NSMCE2: variants seen among roughly 807,000 people sequenced by gnomAD.
The protein encoded by NSMCE2 is NSE2 SUMO ligase component of SMC5/6 complex.
In NSMCE2, 24 loss-of-function variants were observed where a neutral mutation model predicts 23.8. The ratio of observed to expected loss-of-function variants is 1.01; its 90% CI spans 0.73 to 1.42. The LOEUF (loss-of-function observed/expected upper bound fraction) is 1.42. Among genes scored for constraint, NSMCE2 ranks in the 40% most tolerant of loss-of-function variants. The pLI is 0.00. For missense variants in NSMCE2, 284 were observed against 296.5 expected (o/e 0.96, Z 0.31); for synonymous variants, 92 against 94.1 (o/e 0.98, Z 0.13).
intron 3 of NSMCE2, among the ~76,000 whole-genome samples, chr8:125,126,572 T>G (rs934642329): frequency 6.6e-6 from 1 of 152,150 alleles, no homozygotes; most frequent in Non-Finnish European, 1.5e-5. Flanking sequence ...AGTACCTTAC[T>G]TGATGCACGA....
chr8:125,161,997 C>T (rs558811966), intron 4 of NSMCE2, among the ~76,000 whole-genome samples: 10 of 152,208 alleles, frequency 6.6e-5, no homozygotes, highest in African/African-American at 2.2e-4. Context: ...CGAAGCAAGT[C>T]CTCTCTACCC....
At chr8:125,339,433 G>A (rs1248321406) in intron 5 of NSMCE2, among the ~76,000 whole-genome samples, 1 of 152,094 alleles carries the variant, frequency 6.6e-6, no homozygotes, top group Non-Finnish European at 1.5e-5. Flanking sequence ...AGTGGTGAGC[G>A]GGTGGTTGGA....
At position 125,118,380 on chromosome 8, in the gene NSMCE2, AAAAC is replaced by A. The variant is rs935083457; in HGVS notation, c.157+15907_157+15910del. 6.0e-5 allele frequency among the ~76,000 whole-genome samples: 9 copies of A among 150,736 alleles called. No homozygotes were observed. The East Asian group carries it at 1.5e-3, about 26-fold the overall frequency. On this transcript the variant is annotated intron_variant, in intron 3 of 7. Coordinates refer to ENST00000287437, the MANE Select transcript of NSMCE2 (RefSeq NM_173685.4). ...TGGGTGACAGAGTGAGACTGTCTTA[AAAAC>A]AAACAAACAAACACACACACACAGA...
In NSMCE2 at chr8:125,182,248, A is replaced by G. The variant is rs539746599; in HGVS notation, c.410A>G (p.Lys137Arg). 6.2e-7 allele frequency: 1 copy of G among 1,601,930 alleles called. No homozygotes were observed. The highest frequency in any genetic ancestry group is 1.3e-5 in the African/African-American group (1 of 74,178). The change falls in exon 5 of 8, where the codon AAG (lysine) becomes AGG (arginine). Residue 137 changes from lysine (K) to arginine (R), a missense_variant. This residue lies in a region of NSMCE2 where 102 missense variants were observed against 141.0 expected (regional missense o/e 0.72). Transcript: ENST00000287437. ...VQFKQQLKEL[K>R]KQCGLQADRE... is the part of the protein sequence containing the mutation. ...TTTAAACAACAGCTGAAAGAACTAA[A>G]GAAGCAATGTAAGTCAACATGCTTT...
chr8:125,287,830 A>G (rs1446768441), intron 5 of NSMCE2, among the ~76,000 whole-genome samples: 1 of 152,164 alleles, frequency 6.6e-6, no homozygotes, highest in Non-Finnish European at 1.5e-5. Flanking sequence ...GAATATCTCC[A>G]GTGACCTGCA....
At chr8:125,343,950 G>A (rs1166779748) in intron 5 of NSMCE2, among the ~76,000 whole-genome samples, 2 of 152,214 alleles carry the variant, frequency 1.3e-5, no homozygotes, top group Non-Finnish European at 2.9e-5. Context: ...AGCTTGCAGT[G>A]AGCCGAGATC....
chr8:125,253,426 T>G (rs1241107618), intron 5 of NSMCE2, among the ~76,000 whole-genome samples: 1 of 152,204 alleles, frequency 6.6e-6, no homozygotes, highest in Non-Finnish European at 1.5e-5. Flanking sequence ...GGATGGGTGT[T>G]TGGGGAATTC....
intron 5 of NSMCE2, among the ~76,000 whole-genome samples, chr8:125,340,012 G>GTTTTTTTTTT (rs752038710): frequency 1.5e-3 from 150 of 102,798 alleles, no homozygotes; most frequent in East Asian, 3.0e-3. Flanking sequence ...GTTTTTTTTT[G>GTTTTTTTTTT]TTTTTTTTTT....
chr8:125,196,682 G>A (rs1399088887), intron 5 of NSMCE2, among the ~76,000 whole-genome samples: 3 of 152,096 alleles, frequency 2.0e-5, no homozygotes, highest in East Asian at 1.9e-4. Flanking sequence ...GTGTCTTTAC[G>A]GTAGCATGAT....
At chr8:125,275,394 A>G (rs1345624334) in intron 5 of NSMCE2, among the ~76,000 whole-genome samples, 1 of 152,210 alleles carries the variant, frequency 6.6e-6, no homozygotes, top group African/African-American at 2.4e-5. Flanking sequence ...CGAGTGGGCT[A>G]TGAACTCCAC....
chr8:125,222,418 TTAA>T (rs1824904814), intron 5 of NSMCE2, among the ~76,000 whole-genome samples: 1 of 152,228 alleles, frequency 6.6e-6, no homozygotes, highest in Non-Finnish European at 1.5e-5. Flanking sequence ...AAATACATTA[TTAA>T]TAATGTGATT....
At chr8:125,287,314 A>G (rs1235482310) in intron 5 of NSMCE2, among the ~76,000 whole-genome samples, 1 of 152,210 alleles carries the variant, frequency 6.6e-6, no homozygotes, top group African/African-American at 2.4e-5. Flanking sequence ...CCTGGGTGAC[A>G]GAGTGAAACT....
At chr8:125,139,635 C>G (rs1586497325) in intron 3 of NSMCE2, among the ~76,000 whole-genome samples, 1 of 152,274 alleles carries the variant, frequency 6.6e-6, no homozygotes. Flanking sequence ...TATTCACTAT[C>G]ACAAGAACAG....
chr8:125,186,568 T>C (rs762091694), intron 5 of NSMCE2, among the ~76,000 whole-genome samples: 2 of 152,094 alleles, frequency 1.3e-5, no homozygotes, highest in Non-Finnish European at 2.9e-5. Flanking sequence ...CATGATATAA[T>C]ATGACAACCA....
At chr8:125,146,509 A>G (rs367580714) in intron 3 of NSMCE2, among the ~76,000 whole-genome samples, 5 of 152,210 alleles carry the variant, frequency 3.3e-5, no homozygotes, top group African/African-American at 1.2e-4. Flanking sequence ...ATGTCCAACA[A>G]TGATAGACTG....
chr8:125,199,482 G>C (rs1823770355), intron 5 of NSMCE2, among the ~76,000 whole-genome samples: 1 of 152,190 alleles, frequency 6.6e-6, no homozygotes, highest in Non-Finnish European at 1.5e-5. Flanking sequence ...CCATGTAGTT[G>C]TGCGGTTTTA....
At chr8:125,219,987 T>G (rs1475798196) in intron 5 of NSMCE2, among the ~76,000 whole-genome samples, 2 of 152,220 alleles carry the variant, frequency 1.3e-5, no homozygotes, top group African/African-American at 4.8e-5. Flanking sequence ...GTATGACTTG[T>G]AAACTTCCCT....
chr8:125,217,891 A>C (rs1041725764), intron 5 of NSMCE2, among the ~76,000 whole-genome samples: 1 of 151,800 alleles, frequency 6.6e-6, no homozygotes, highest in Non-Finnish European at 1.5e-5. Flanking sequence ...AAAAAAAAAA[A>C]AACCAAAACA....
chr8:125,327,119 T>C lies in NSMCE2; in HGVS notation c.419-30100T>C, dbSNP rs761211100. On this transcript the variant is annotated intron_variant, in intron 5 of 7. Transcript: ENST00000287437. ...CTCTACTAAAACTATAAAAAAAAATTAGCCGGCGTGGTGGCGAGCACTTGT... is the reference window on the plus strand; with the variant it reads ...CTCTACTAAAACTATAAAAAAAAATCAGCCGGCGTGGTGGCGAGCACTTGT... Among the ~76,000 whole-genome samples the C allele has an allele frequency of 5.4e-5, 8 of 149,446 alleles. No homozygotes were observed. In the Admixed American group the frequency reaches 5.4e-4, roughly 10 times the overall value.
Sources: gnomAD v4.1 joint callset for allele counts (sites outside exome capture counted in the v4.1 genomes callset) on GRCh38, gnomAD v4.1.1 for gene constraint, gnomAD v4.1.1 regional missense constraint, MANE v1.5 for transcripts, NCBI Gene and HGNC (gene_info 2026-07-23, HGNC 2026-07-21) for gene names.